The following SIDT2 variants were observed in gnomAD, a reference collection of about 807,000 sequenced individuals.
SIDT2 encodes SID1 transmembrane family member 2, also known as SID1 transmembrane family, member 2.
SIDT2 carries 68 observed loss-of-function variants against 114.4 expected under a neutral mutation model. The observed-to-expected ratio is 0.59, with a 90% CI of 0.49 to 0.73. The LOEUF is 0.73. Among genes scored for constraint, SIDT2 ranks in the 30% least tolerant of loss-of-function variants. The pLI, the probability that SIDT2 is intolerant of heterozygous loss-of-function variation, is 0.00. For synonymous variants in SIDT2, 470 were observed against 438.4 expected, an observed-to-expected ratio of 1.07 and a Z score of -0.90; for missense variants, 918 against 1,097.1, an observed-to-expected ratio of 0.84 and a Z score of 2.31.
At chr11:117,187,097 G>A in intron 10 of SIDT2, 4 of 1,431,994 alleles carry the variant, frequency 2.8e-6, no homozygotes, top group Non-Finnish European at 3.7e-6. Context: ...GGGCGGGCCA[G>A]TGTTGTCTTT....
rs1276705359 is a variant in SIDT2 at position 117,183,565 on chromosome 11, GA to G, written c.703-213del. On this transcript the variant is annotated intron_variant, in intron 6 of 25. Coordinates refer to ENST00000324225, the MANE Select transcript of SIDT2 (RefSeq NM_001040455.2). ...AAGCAGGAGAATTGTTTGAACCCGG[GA>G]GGCGGAGGTTGCAGTGAGCTGAGAT... 1.3e-5 allele frequency among the ~76,000 whole-genome samples: 2 copies of G among 151,870 alleles called. 1 individual carries two copies. Among genetic ancestry groups the G allele is most frequent in the Admixed American group, 1.3e-4 (2 of 15,246 alleles).
At chr11:117,194,157 A>C in intron 24 of SIDT2, 194 bp downstream of exon 24, 1 of 511,882 alleles carries the variant, frequency 2.0e-6, no homozygotes, top group Non-Finnish European at 3.5e-6. Context: ...AAAAATAAAA[A>C]TAAAAAAATT....
chr11:117,187,818 T>TGGGTAAAA, intron 12 of SIDT2, 119 bp downstream of exon 12: 1 of 943,218 alleles, frequency 1.1e-6, no homozygotes, highest in Non-Finnish European at 1.7e-6. Context: ...GCCTGCTGTC[T>TGGGTAAAA]TCCTAACCCC....
intron 15 of SIDT2, 108 bp downstream of exon 15, chr11:117,189,509 G>C: frequency 1.6e-6 from 2 of 1,216,964 alleles, no homozygotes; most frequent in East Asian, 2.5e-5. Flanking sequence ...CCTGGGTTCA[G>C]ATCCCAGCTC....
At chr11:117,186,557 G>A (rs1364420583) in intron 9 of SIDT2, 27 bp from the exon 10 acceptor site, 7 of 1,540,150 alleles carry the variant, frequency 4.5e-6, no homozygotes, top group Non-Finnish European at 6.1e-6. Context: ...GTCCCATCTG[G>A]GTGGCCTGTG....
intron 8 of SIDT2, among the ~76,000 whole-genome samples, chr11:117,184,506 GT>G: frequency 6.6e-6 from 1 of 152,150 alleles, no homozygotes; most frequent in African/African-American, 2.4e-5. Flanking sequence ...ACCCTAATTT[GT>G]CATTGAAACA....
intron 15 of SIDT2, 69 bp from the exon 16 acceptor site, chr11:117,189,883 C>CG: frequency 1.3e-6 from 2 of 1,529,608 alleles, no homozygotes; most frequent in Non-Finnish European, 1.8e-6. Flanking sequence ...CAAAGGGGCC[C>CG]GGATGGCGGG....
Position 117,193,231 on chromosome 11 carries a change from T to C in SIDT2, c.2184T>C (p.Leu728=), listed in dbSNP as rs762959907. The C allele has an allele frequency of 3.2e-5, 52 of 1,613,916 alleles. No individual in the cohort carries two copies. Among genetic ancestry groups the C allele is most frequent in the Non-Finnish European group, 4.2e-5 (50 of 1,179,962 alleles). ...LLAIGICNLL[L]YFAFYIIMKL... is the part of the protein sequence containing the mutation. ...CCATTGGCATCTGCAACCTGCTCCT[T>C]TACTTCGCCTTCTACATCATCATGA... is the stretch of plus-strand genomic sequence containing the variant. The change falls in exon 23 of 26, where the codon CTT becomes CTC. Residue 728 remains leucine, a synonymous_variant. Coordinates refer to ENST00000324225, the MANE Select transcript of SIDT2 (RefSeq NM_001040455.2).
chr11:117,180,168 G>A (rs1034837116), intron 1 of SIDT2, among the ~76,000 whole-genome samples: 11 of 152,260 alleles, frequency 7.2e-5, no homozygotes, highest in Admixed American at 1.3e-4. Flanking sequence ...TCTCGTGCCC[G>A]GGTCTCTTGC....
chr11:117,182,699 T>C (rs1591766144), intron 5 of SIDT2, 24 bp from the exon 6 acceptor site: 3 of 1,614,018 alleles, frequency 1.9e-6, no homozygotes, highest in Non-Finnish European at 2.5e-6. Flanking sequence ...TTCCCATCCA[T>C]CTGCCTCTCC....
At position 117,190,702 on chromosome 11, in the gene SIDT2, G is replaced by A. The variant is rs1420551855; in HGVS notation, c.1697G>A (p.Cys566Tyr). 2 of 1,613,876 alleles carry A rather than the reference G, an allele frequency of 1.2e-6. No homozygotes were observed. Among genetic ancestry groups the A allele is most frequent in the Non-Finnish European group, 1.7e-6 (2 of 1,179,916 alleles). ...ATGATGGAGGGGCTGCTCAGTGCTT[G>A]CTATCATGTGTGCCCCAACTATACC... ...ALMMEGLLSA[C>Y]YHVCPNYTNF... Residue 566 changes from cysteine to tyrosine, a missense_variant, in exon 18 of 26, where the codon TGC (cysteine) becomes TAC (tyrosine). Physicochemically the swap from Cys to Tyr is radical, Grantham distance 194. Coordinates refer to ENST00000324225, the MANE Select transcript of SIDT2 (RefSeq NM_001040455.2). The surrounding 1 kb of genome is among the most constrained non-coding windows in gnomAD (Gnocchi z 4.1).
At chr11:117,187,332 CCT>C in intron 10 of SIDT2, 44 bp from the exon 11 acceptor site, 1 of 1,557,106 alleles carries the variant, frequency 6.4e-7, no homozygotes, top group South Asian at 1.1e-5. Context: ...TGGCTCTAGG[CCT>C]CTCTCTTCGT....
Position 117,195,790 on chromosome 11 carries a change from T to A in SIDT2, c.2323-12T>A. 1 of 1,613,896 alleles carries A rather than the reference T, an allele frequency of 6.2e-7. No individual in the cohort carries two copies. Among genetic ancestry groups the A allele is most frequent in the Non-Finnish European group, 8.5e-7 (1 of 1,179,788 alleles). ...CAGGGTCATTCGGCAGTTTTTCTTG[T>A]TGCTCCCCAAGAAAACCCCTGCAGA... is the stretch of plus-strand genomic sequence containing the variant. On this transcript the variant is annotated splice_polypyrimidine_tract_variant and intron_variant, in intron 24 of 25. Coordinates refer to ENST00000324225, the MANE Select transcript of SIDT2 (RefSeq NM_001040455.2).
At chr11:117,184,205 A>G (rs2030408293) in intron 8 of SIDT2, 66 bp downstream of exon 8, 3 of 1,511,040 alleles carry the variant, frequency 2.0e-6, no homozygotes, top group African/African-American at 1.4e-5. Flanking sequence ...CAGACCTGGG[A>G]TATAGGGTGT....
rs749099479 is a variant in SIDT2 at position 117,188,904 on chromosome 11, A to G, written c.1278+78A>G. The G allele has an allele frequency of 3.4e-5, 48 of 1,397,490 alleles. No individual in the cohort carries two copies. Among genetic ancestry groups the G allele is most frequent in the Non-Finnish European group, 4.8e-5 (47 of 983,636 alleles). 86.6% of individuals were successfully genotyped at this position (1,397,490 alleles called of 1,614,324 possible). ...TGCGTTCCCGCCCCAGCATGTTCCC[A>G]CTGACGTGGCATTTAGGGAAGCAGA... On this transcript the variant is annotated intron_variant, in intron 13 of 25. Transcript: ENST00000324225. This position sits in a 1 kb window ranked among gnomAD's most constrained non-coding sequence, Gnocchi z 4.0.
At position 117,196,081 on chromosome 11, in the gene SIDT2, T is replaced by C; in HGVS notation, c.*15T>C. The C allele has an allele frequency of 2.5e-6, 4 of 1,614,144 alleles. No homozygotes were observed. Among genetic ancestry groups the C allele is most frequent in the Non-Finnish European group, 3.4e-6 (4 of 1,180,038 alleles). ...ATGTCTTCTAGCAGGAGCTGGGCCCTTCGCTTCACCTCAAGGGGCCCTGAG... is the reference window on the plus strand; with the variant it reads ...ATGTCTTCTAGCAGGAGCTGGGCCCCTCGCTTCACCTCAAGGGGCCCTGAG... On this transcript the variant is annotated 3_prime_UTR_variant, in exon 26 of 26. Transcript: ENST00000324225. The surrounding 1 kb of genome is among the most constrained non-coding windows in gnomAD (Gnocchi z 4.9).
In SIDT2 at chr11:117,188,405, T is replaced by C; in HGVS notation, c.1160-303T>C. ...AATCCTGTTGTTTGTGTCTGCTGCC[T>C]GGGGTCTGCCTTGTGTCCTGGCCTG... On this transcript the variant is annotated intron_variant, in intron 12 of 25. Coordinates refer to ENST00000324225, the MANE Select transcript of SIDT2 (RefSeq NM_001040455.2). The surrounding 1 kb of genome is among the most constrained non-coding windows in gnomAD (Gnocchi z 4.0). 2.2e-6 allele frequency: 1 copy of C among 454,442 alleles called. No individual in the cohort carries two copies. Among genetic ancestry groups the C allele is most frequent in the South Asian group, 2.8e-5 (1 of 35,302 alleles). 28.2% of individuals were successfully genotyped at this position (454,442 alleles called of 1,614,324 possible).
chr11:117,182,389 C>T lies in SIDT2; in HGVS notation c.517-130C>T, dbSNP rs1389299941. ...GGCTGCTGTGATCAAGGCCTGTCTCCTCGGAGAGCCTCCACTGCCCACCCC... is the reference window on the plus strand; with the variant it reads ...GGCTGCTGTGATCAAGGCCTGTCTCTTCGGAGAGCCTCCACTGCCCACCCC... On this transcript the variant is annotated intron_variant, in intron 4 of 25. Transcript: ENST00000324225. The T allele has an allele frequency of 1.5e-5, 12 of 821,880 alleles. No homozygotes were observed. In the South Asian group the frequency reaches 1.9e-4, roughly 13 times the overall value. 50.9% of individuals were successfully genotyped at this position (821,880 alleles called of 1,614,324 possible).
rs775126764 is a variant in SIDT2, at chr11:117,181,790, C to T, written c.306-17C>T. ...TGGGACAGTGCTCACATCCTATCTC[C>T]CTGCTTCGGGCCATAGGTTTCAGCG... is the stretch of plus-strand genomic sequence containing the variant. On this transcript the variant is annotated splice_polypyrimidine_tract_variant and intron_variant, in intron 2 of 25. Transcript: ENST00000324225. 9 of 1,614,100 alleles carry T rather than the reference C, an allele frequency of 5.6e-6. No homozygotes were observed. The South Asian group carries it at 9.9e-5, about 18-fold the overall frequency.
Sources: gnomAD v4.1 joint callset for allele counts (sites outside exome capture counted in the v4.1 genomes callset) on GRCh38, gnomAD v4.1.1 for gene constraint, Gnocchi (gnomAD v3.1) non-coding constraint, MANE v1.5 for transcripts, NCBI Gene and HGNC (gene_info 2026-07-23, HGNC 2026-07-21) for gene names.